Variants in SH3BP1 observed in about 807,000 individuals in gnomAD.
The protein encoded by SH3BP1 is SH3 domain binding protein 1.
Under a neutral mutation model 69.8 loss-of-function variants are expected in SH3BP1, and 46 were observed. The observed-to-expected ratio is 0.66, with a 90% CI of 0.52 to 0.84. The LOEUF (loss-of-function observed/expected upper bound fraction) is 0.84, where lower values mean the gene tolerates loss of function less well. SH3BP1 is among the 40% of genes least tolerant of loss of function. The pLI is 0.00. For missense variants in SH3BP1, 868 were observed against 930.9 expected, an observed-to-expected ratio of 0.93 and a Z score of 0.88; for synonymous variants, 403 against 378.0, an observed-to-expected ratio of 1.07 and a Z score of -0.77.
rs1480159322 is a variant in SH3BP1 at position 37,655,916 on chromosome 22, T to A, written c.*232T>A. On this transcript the variant is annotated 3_prime_UTR_variant, in exon 18 of 18. Coordinates refer to ENST00000649765, the MANE Select transcript of SH3BP1 (RefSeq NM_018957.6). Reference sequence around the variant, plus strand: ...GGGACCCCCCCACCGGACTCTCCACTCTCCGGCAGGTCCTAGGGGAGCCAC... The same window carrying A: ...GGGACCCCCCCACCGGACTCTCCACACTCCGGCAGGTCCTAGGGGAGCCAC... The A allele has an allele frequency of 1.3e-6, 2 of 1,564,132 alleles. No homozygotes were observed. Among genetic ancestry groups the A allele is most frequent in the African/African-American group, 1.3e-5 (1 of 74,132 alleles).
chr22:37,642,695 G>C lies in SH3BP1; in HGVS notation c.284+80G>C, dbSNP rs1932645219. 1.9e-6 allele frequency: 3 copies of C among 1,610,010 alleles called. No individual in the cohort carries two copies. In the South Asian group the frequency reaches 3.3e-5, roughly 18 times the overall value. The stretch of plus-strand genomic sequence containing the variant: ...CTGGGAGGGGGTCCAGGTGGTGAGG[G>C]CATCCACATCAGAAGAATGACCAGG... On this transcript the variant is annotated intron_variant, in intron 4 of 17. Transcript: ENST00000649765.
At position 37,655,468 on chromosome 22, in the gene SH3BP1, T is replaced by C; in HGVS notation, c.1890T>C (p.Pro630=). The C allele has an allele frequency of 1.7e-6, 1 of 579,524 alleles. No individual in the cohort carries two copies. The highest frequency in any genetic ancestry group is 2.3e-6 in the Non-Finnish European group (1 of 436,112). The allele number at this position is 579,524 out of a possible 1,614,324, so 35.9% of individuals were successfully genotyped here. ...CGTTACCCCCCACACCCCCTCAGCC[T>C]GCCCGGCGCCAAAGCCGGCGTTCAC... ...PPPLPPTPPQ[P]ARRQSRRSPA... is the part of the protein sequence containing the mutation. Residue 630 remains proline (P), a synonymous_variant, in exon 18 of 18, where the codon CCT becomes CCC. Transcript: ENST00000649765.
At chr22:37,643,597 G>A (rs1932694471) in intron 6 of SH3BP1, 47 bp from the exon 7 acceptor site, 1 of 1,613,392 alleles carries the variant, frequency 6.2e-7, no homozygotes, top group East Asian at 2.2e-5. Flanking sequence ...CTTGGCTCTG[G>A]ACATGCAACA....
intron 3 of SH3BP1, 66 bp downstream of exon 3, chr22:37,641,544 T>C: frequency 3.7e-6 from 5 of 1,362,314 alleles, no homozygotes; most frequent in Non-Finnish European, 5.0e-6. Context: ...GGAAGCAAGG[T>C]CGGGGCTGGG....
chr22:37,653,872 G>A lies in SH3BP1; in HGVS notation c.1692G>A (p.Arg564=), dbSNP rs374165407. The change falls in exon 17 of 18, where the codon AGG becomes AGA. Residue 564 remains arginine (R), a splice_region_variant and synonymous_variant. Coordinates refer to ENST00000649765, the MANE Select transcript of SH3BP1 (RefSeq NM_018957.6). ...TAAPVEDMAR[R]TKRPAPARPT... ...CCCCAGTGGAGGACATGGCTCGGAG[G>A]AGTGAGTTGGCTGTGGGAGGGGAGG... 8 of 1,432,108 alleles carry A rather than the reference G, an allele frequency of 5.6e-6. No individual in the cohort carries two copies. The Middle Eastern group carries it at 5.8e-4, about 103-fold the overall frequency. The allele number at this position is 1,432,108 out of a possible 1,614,324, so 88.7% of individuals were successfully genotyped here.
In SH3BP1 at chr22:37,656,115, A is replaced by G; in HGVS notation, c.*431A>G. The G allele has an allele frequency of 8.7e-7, 1 of 1,150,546 alleles. No individual in the cohort carries two copies. The highest frequency in any genetic ancestry group is 1.3e-5 in the South Asian group (1 of 76,444). The allele number at this position is 1,150,546 out of a possible 1,614,324, so 71.3% of individuals were successfully genotyped here. A position where few individuals can be genotyped will look rare whatever the true frequency, so the allele number is the denominator to read the frequency against. On this transcript the variant is annotated 3_prime_UTR_variant, in exon 18 of 18. Transcript: ENST00000649765. ...AGCCAATTTTATAAAGGGGAAAACA[A>G]TACATATTCTTTGCCTCCTTTCTTC...
Position 37,655,820 on chromosome 22 carries a change from G to A in SH3BP1, c.*136G>A, listed in dbSNP as rs1029572642. ...CAAGTGCCTCAGTGCCCACTGGGTC[G>A]GCCCCCATGGCCAGGAGGGCTCAGG... On this transcript the variant is annotated 3_prime_UTR_variant, in exon 18 of 18. Coordinates refer to ENST00000649765, the MANE Select transcript of SH3BP1 (RefSeq NM_018957.6). The A allele has an allele frequency of 1.0e-5, 15 of 1,464,900 alleles. No homozygotes were observed. The highest frequency in any genetic ancestry group is 5.6e-5 in the South Asian group (4 of 71,148). 90.7% of individuals were successfully genotyped at this position (1,464,900 alleles called of 1,614,324 possible).
In SH3BP1 at chr22:37,639,679, C is replaced by T; in HGVS notation, c.-109C>T. On this transcript the variant is annotated 5_prime_UTR_variant, in exon 1 of 18. Transcript: ENST00000649765. ...GGCGGCCCAGGAAGCGAGAGCGCCG[C>T]CCACCCATCCGGGGCAAGAGCCGCG... The T allele has an allele frequency of 1.6e-6, 1 of 631,106 alleles. No homozygotes were observed. Among genetic ancestry groups the T allele is most frequent in the Non-Finnish European group, 2.5e-6 (1 of 402,996 alleles). 39.1% of individuals were successfully genotyped at this position (631,106 alleles called of 1,614,324 possible).
intron 17 of SH3BP1, 82 bp from the exon 18 acceptor site, chr22:37,655,190 T>C: frequency 2.0e-6 from 2 of 1,005,846 alleles, no homozygotes; most frequent in Non-Finnish European, 2.9e-6. Flanking sequence ...GATGCAAAGG[T>C]TGTGAGGGGG....
chr22:37,642,751 G>A, intron 4 of SH3BP1, 136 bp downstream of exon 4: 1 of 1,600,562 alleles, frequency 6.2e-7, no homozygotes, highest in Non-Finnish European at 8.5e-7. Context: ...AGTGAGGGTG[G>A]CCAGGCCTGG....
chr22:37,653,960 C>G lies in SH3BP1; in HGVS notation c.1693+87C>G, dbSNP rs1024543080. ...TCCCAGGTCCTCCTATCTTTTTAGG[C>G]AGCCAGGGGAGGCCAGGAGTCAAGG... On this transcript the variant is annotated intron_variant, in intron 17 of 17. Transcript: ENST00000649765. 3.0e-6 allele frequency: 3 copies of G among 988,720 alleles called. No homozygotes were observed. In the African/African-American group the frequency reaches 4.8e-5, roughly 16 times the overall value. 61.2% of individuals were successfully genotyped at this position (988,720 alleles called of 1,614,324 possible). A position where few individuals can be genotyped will look rare whatever the true frequency, so the allele number is the denominator to read the frequency against.
At chr22:37,649,311 G>A (rs531080863) in intron 14 of SH3BP1, among the ~76,000 whole-genome samples, 5 of 151,618 alleles carry the variant, frequency 3.3e-5, no homozygotes, top group Non-Finnish European at 5.9e-5. Context: ...AACTTAATGA[G>A]ACCCTGTCTC....
rs1932660611 is a variant in SH3BP1, at chr22:37,643,019, C to T, written c.396+13C>T. 2.5e-6 allele frequency: 4 copies of T among 1,611,054 alleles called. No homozygotes were observed. The highest frequency in any genetic ancestry group is 3.4e-6 in the Non-Finnish European group (4 of 1,178,206). On this transcript the variant is annotated intron_variant, in intron 5 of 17. Coordinates refer to ENST00000649765, the MANE Select transcript of SH3BP1 (RefSeq NM_018957.6). ...CAGGCTGAGTGAGGTGAGCCTGTGC[C>T]CTGCTTTCAGCCCCCAGCTTCCCCA...
chr22:37,641,250 T>A (rs1330016931), intron 2 of SH3BP1, 82 bp downstream of exon 2: 2 of 1,514,790 alleles, frequency 1.3e-6, no homozygotes, highest in Non-Finnish European at 1.8e-6. Context: ...GGACGCCAGG[T>A]AGGGGCCTGG....
chr22:37,653,302 G>C (rs1372181349), intron 16 of SH3BP1, among the ~76,000 whole-genome samples: 2 of 151,962 alleles, frequency 1.3e-5, no homozygotes, highest in African/African-American at 2.4e-5. Flanking sequence ...TGGGCATGGT[G>C]GTGTGTGCCT....
At chr22:37,640,062 C>A (rs993305732) in intron 1 of SH3BP1, among the ~76,000 whole-genome samples, 1 of 152,066 alleles carries the variant, frequency 6.6e-6, no homozygotes, top group Admixed American at 6.5e-5. Flanking sequence ...GGAAGGGATG[C>A]CCCCCCTTAC....
intron 14 of SH3BP1, 93 bp downstream of exon 14, chr22:37,648,528 C>T: frequency 1.1e-6 from 1 of 871,718 alleles, no homozygotes; most frequent in Non-Finnish European, 1.8e-6. Flanking sequence ...CTTGGTGTCC[C>T]CATTTTTGGA....
intron 16 of SH3BP1, among the ~76,000 whole-genome samples, chr22:37,652,578 C>G (rs1382124029): frequency 6.6e-6 from 1 of 151,950 alleles, no homozygotes; most frequent in African/African-American, 2.4e-5. Flanking sequence ...AATCCCAGCA[C>G]TTTGGGAAGC....
At chr22:37,641,248 G>A in intron 2 of SH3BP1, 80 bp downstream of exon 2, 1 of 1,520,614 alleles carries the variant, frequency 6.6e-7, no homozygotes. Flanking sequence ...GGGGACGCCA[G>A]GTAGGGGCCT....
Sources: allele counts gnomAD v4.1 joint callset (sites outside exome capture counted in the v4.1 genomes callset), GRCh38; gene constraint gnomAD v4.1.1; transcripts MANE v1.5; gene names NCBI Gene and HGNC (gene_info 2026-07-23, HGNC 2026-07-21).